SOX5: variants seen among roughly 807,000 people sequenced by gnomAD.
SOX5 encodes SRY-box transcription factor 5, also known as transcription factor SOX-5.
A neutral mutation model predicts 92.0 loss-of-function variants in SOX5; 9 were observed. The ratio of observed to expected loss-of-function variants is 0.10; its 90% CI spans 0.06 to 0.17. The LOEUF (loss-of-function observed/expected upper bound fraction) is 0.17. Ranked by LOEUF, SOX5 falls within the 10% of genes least tolerant of loss-of-function variation. The pLI is 1.00. For synonymous variants in SOX5, 344 were observed against 336.3 expected (o/e 1.02, Z -0.25); for missense variants, 642 against 944.5 (o/e 0.68, Z 4.20).
intron 6 of SOX5, among the ~76,000 whole-genome samples, chr12:23,696,149 T>C (rs1410084051): frequency 6.6e-6 from 1 of 152,172 alleles, no homozygotes; most frequent in East Asian, 1.9e-4. Flanking sequence ...TTTTGGGAAG[T>C]ATTCATTAGT....
chr12:23,671,468 A>C (rs1224224903), intron 6 of SOX5, among the ~76,000 whole-genome samples: 1 of 152,166 alleles, frequency 6.6e-6, no homozygotes, highest in Admixed American at 6.6e-5. Flanking sequence ...ATGAAGAATA[A>C]AATATCCAAA....
chr12:24,366,942 A>G (rs11047400), intron 2 of SOX5, among the ~76,000 whole-genome samples: 7,760 of 152,242 alleles, frequency 0.051, 290 homozygotes, highest in Non-Finnish European at 0.073. Flanking sequence ...GAGAAAAGAA[A>G]AAAAAAGGAA....
chr12:24,326,654 G>T (rs1262137647), intron 2 of SOX5, among the ~76,000 whole-genome samples: 6 of 152,004 alleles, frequency 3.9e-5, no homozygotes, highest in Admixed American at 3.9e-4. Context: ...CTCAGATACG[G>T]GTATGACTCC....
At position 23,530,771 on chromosome 12, in the gene SOX5, G is replaced by C. The variant is rs1938803711; in HGVS notation, c.*3448C>G. On this transcript the variant is annotated 3_prime_UTR_variant, in exon 15 of 15. Coordinates refer to ENST00000451604, the MANE Select transcript of SOX5 (RefSeq NM_006940.6). The stretch of plus-strand genomic sequence containing the variant: ...AACAACTATAAAAACCAGAATTCTG[G>C]CAAGATTATTTCTCAGTGTTGGGGC... 7.0e-6 allele frequency: 1 copy of C among 143,704 alleles called. No individual in the cohort carries two copies. The highest frequency in any genetic ancestry group is 2.5e-5 in the African/African-American group (1 of 39,574). The allele number at this position is 143,704 out of a possible 1,614,324, so 8.9% of individuals were successfully genotyped here. A position where few individuals can be genotyped will look rare whatever the true frequency, so the allele number is the denominator to read the frequency against.
intron 4 of SOX5, among the ~76,000 whole-genome samples, chr12:24,066,979 A>G (rs865964059): frequency 6.6e-6 from 1 of 152,026 alleles, no homozygotes; most frequent in African/African-American, 2.4e-5. Flanking sequence ...TCATAACATC[A>G]CTCTGGTTTT....
chr12:24,210,017 CAAAAAAAAAAAAAAAAAAAAA>C (rs1173723179), intron 4 of SOX5, among the ~76,000 whole-genome samples: 5 of 62,694 alleles, frequency 8.0e-5, no homozygotes, highest in Non-Finnish European at 1.4e-4. Context: ...GACTCCGTCT[CAAAAAAAAAAAAAAAAAAAAA>C]AAAAAAAAGA....
rs147213854 is a variant in SOX5 at position 23,877,214 on chromosome 12, TTTTTC to T, written c.270+18574_270+18578del. Among the ~76,000 whole-genome samples the T allele has an allele frequency of 3.9e-4, 59 of 152,344 alleles. 2 individuals carry two copies. In the East Asian group the frequency reaches 9.1e-3, roughly 23 times the overall value. ...TATTCAAAGTGTTAAAGGACTTATT[TTTTTC>T]TTTTCTTTTCCTTTTTTTTGGAGGA... On this transcript the variant is annotated intron_variant, in intron 2 of 14. Transcript: ENST00000451604.
intron 2 of SOX5, among the ~76,000 whole-genome samples, chr12:24,331,782 A>C (rs1879778): frequency 0.18 from 24,495 of 138,692 alleles, 2,880 homozygotes; most frequent in East Asian, 0.54. Context: ...CAGGGGGCAG[A>C]GGTTGCACTG....
intron 4 of SOX5, among the ~76,000 whole-genome samples, chr12:24,177,687 G>C (rs937118005): frequency 1.3e-5 from 2 of 152,104 alleles, no homozygotes; most frequent in African/African-American, 4.8e-5. Flanking sequence ...ATTTTAGCTT[G>C]AGAGCTAAAC....
chr12:23,802,270 C>CG (rs2095673994), intron 3 of SOX5, among the ~76,000 whole-genome samples: 1 of 151,824 alleles, frequency 6.6e-6, no homozygotes, highest in African/African-American at 2.4e-5. Flanking sequence ...TTAGTAGAGA[C>CG]GGGGTTTCAC....
chr12:23,755,815 C>T (rs2094349954), intron 3 of SOX5, 91 bp from the exon 4 acceptor site: 2 of 773,380 alleles, frequency 2.6e-6, no homozygotes, highest in Admixed American at 3.3e-5. Context: ...ATAAGGCCAT[C>T]CCTATCCCAG....
At chr12:24,258,282 A>AAAAC (rs201317761) in intron 3 of SOX5, among the ~76,000 whole-genome samples, 65 of 151,884 alleles carry the variant, frequency 4.3e-4, no homozygotes, top group East Asian at 1.2e-3. Flanking sequence ...TGATTAAAAC[A>AAAAC]AAACAAACAA....
chr12:23,620,699 G>A (rs1027219695), intron 8 of SOX5, among the ~76,000 whole-genome samples: 5 of 151,902 alleles, frequency 3.3e-5, no homozygotes, highest in African/African-American at 1.2e-4. Context: ...CACTCCAATA[G>A]CACCTTGCAT....
chr12:23,859,715 T>C (rs1054312794), intron 2 of SOX5, among the ~76,000 whole-genome samples: 1 of 152,268 alleles, frequency 6.6e-6, no homozygotes, highest in Middle Eastern at 3.4e-3. Context: ...CAGGTGGGCA[T>C]CACGGAATCT....
intron 3 of SOX5, among the ~76,000 whole-genome samples, chr12:24,257,484 T>TC: frequency 6.6e-6 from 1 of 151,940 alleles, no homozygotes; most frequent in East Asian, 2.0e-4. Context: ...TTTGTTTTTT[T>TC]CTGAAACAGA....
intron 11 of SOX5, among the ~76,000 whole-genome samples, chr12:23,556,416 A>G (rs1945186381): frequency 6.6e-6 from 1 of 152,166 alleles, no homozygotes; most frequent in Non-Finnish European, 1.5e-5. Context: ...AAAATAATAT[A>G]CGCTCACTTT....
chr12:23,852,314 G>A (rs1029316644), intron 2 of SOX5, among the ~76,000 whole-genome samples: 4 of 151,878 alleles, frequency 2.6e-5, no homozygotes, highest in African/African-American at 9.7e-5. Context: ...GCACACTCTC[G>A]GGGCAGACTG....
intron 1 of SOX5, among the ~76,000 whole-genome samples, chr12:24,429,874 C>G (rs1331813601): frequency 1.3e-5 from 2 of 152,084 alleles, no homozygotes; most frequent in African/African-American, 4.8e-5. Context: ...TGTTCATACC[C>G]TATATGACCA....
intron 1 of SOX5, among the ~76,000 whole-genome samples, chr12:23,913,813 A>G (rs1035279706): frequency 6.6e-6 from 1 of 152,092 alleles, no homozygotes; most frequent in Non-Finnish European, 1.5e-5. Flanking sequence ...CGTAGAACAG[A>G]CAATATCTTG....
Sources: allele counts gnomAD v4.1 joint callset (sites outside exome capture counted in the v4.1 genomes callset), GRCh38; gene constraint gnomAD v4.1.1; transcripts MANE v1.5; gene names NCBI Gene and HGNC (gene_info 2026-07-23, HGNC 2026-07-21).